The following CACHD1 variants were observed in gnomAD, a reference collection of about 807,000 sequenced individuals.
CACHD1 encodes the protein cache domain containing 1, also known as VWFA and cache domain-containing protein 1.
In CACHD1, 71 loss-of-function variants were observed where a neutral mutation model predicts 138.7. The ratio of observed to expected loss-of-function variants is 0.51; its 90% confidence interval spans 0.42 to 0.62. The LOEUF is 0.62. Ranked by LOEUF, CACHD1 falls within the 20% of genes least tolerant of loss-of-function variation. The pLI is 0.00. For synonymous variants in CACHD1, 578 were observed against 591.5 expected (o/e 0.98, Z 0.33); for missense variants, 1,389 against 1,625.3 (o/e 0.85, Z 2.50).
In CACHD1 at chr1:64,692,472, A is replaced by G. The variant is rs1650594155; in HGVS notation, c.*911A>G. On this transcript the variant is annotated 3_prime_UTR_variant, in exon 27 of 27. Coordinates refer to ENST00000651257, the MANE Select transcript of CACHD1 (RefSeq NM_020925.4). ...CGTACAATGCTATTCTTAGGTTTCTACGAAACCTAATGTTAGAACCGCATC... is the reference window on the plus strand; with the variant it reads ...CGTACAATGCTATTCTTAGGTTTCTGCGAAACCTAATGTTAGAACCGCATC... The G allele has an allele frequency of 6.6e-6, 1 of 152,196 alleles. No individual in the cohort carries two copies. The highest frequency in any genetic ancestry group is 2.1e-4 in the South Asian group (1 of 4,824). 9.4% of individuals were successfully genotyped at this position (152,196 alleles called of 1,614,324 possible). A position where few individuals can be genotyped will look rare whatever the true frequency, so the allele number is the denominator to read the frequency against.
chr1:64,505,994 C>G (rs797001355), intron 1 of CACHD1: 1 of 152,482 alleles, frequency 6.6e-6, no homozygotes, highest in Non-Finnish European at 1.5e-5. Flanking sequence ...GTCGCCACCT[C>G]CACATCCCTT....
chr1:64,502,432 T>A (rs945468153), intron 1 of CACHD1, among the ~76,000 whole-genome samples: 4 of 152,160 alleles, frequency 2.6e-5, no homozygotes, highest in Non-Finnish European at 5.9e-5. Context: ...GAGGGGCTCA[T>A]TATTACTGAA....
At chr1:64,500,734 AAGAGAGAGAG>A (rs5774705) in intron 1 of CACHD1, among the ~76,000 whole-genome samples, 33 of 26,454 alleles carry the variant, frequency 1.2e-3, no homozygotes, top group African/African-American at 2.5e-3. Flanking sequence ...AAAAAAAAAA[AAGAGAGAGAG>A]AGAGAGAGAG....
At chr1:64,507,081 TTGGAAGTTCA>T (rs1220080542) in intron 1 of CACHD1, among the ~76,000 whole-genome samples, 1 of 152,258 alleles carries the variant, frequency 6.6e-6, no homozygotes, top group Non-Finnish European at 1.5e-5. Flanking sequence ...GAAAAAGGCC[TTGGAAGTTCA>T]TGACTCGTAA....
intron 3 of CACHD1, 131 bp downstream of exon 3, chr1:64,582,435 G>T: frequency 1.3e-6 from 1 of 781,390 alleles, no homozygotes; most frequent in Admixed American, 2.8e-5. Context: ...TTTAAGATAA[G>T]CCCTTTATCT....
At chr1:64,653,473 A>T (rs946467109) in intron 10 of CACHD1, among the ~76,000 whole-genome samples, 1 of 151,564 alleles carries the variant, frequency 6.6e-6, no homozygotes, top group African/African-American at 2.4e-5. Flanking sequence ...TGGCATTAAG[A>T]TTTATGTGGT....
intron 26 of CACHD1, among the ~76,000 whole-genome samples, chr1:64,688,557 T>C (rs540352669): frequency 6.6e-5 from 10 of 152,246 alleles, no homozygotes; most frequent in African/African-American, 2.4e-4. Context: ...GTCCACACAC[T>C]GCGACTGCCC....
intron 4 of CACHD1, among the ~76,000 whole-genome samples, chr1:64,604,592 A>G (rs1570408973): frequency 6.6e-6 from 1 of 152,226 alleles, no homozygotes; most frequent in African/African-American, 2.4e-5. Context: ...TTCCAAAAAT[A>G]CATACTGTAA....
intron 26 of CACHD1, among the ~76,000 whole-genome samples, chr1:64,690,997 G>A (rs1241696469): frequency 2.6e-5 from 4 of 152,172 alleles, no homozygotes; most frequent in African/African-American, 9.6e-5. Context: ...TGGATGATGG[G>A]ATGTAGTGTG....
chr1:64,605,702 C>A (rs552350549), intron 4 of CACHD1, among the ~76,000 whole-genome samples: 165 of 152,286 alleles, frequency 1.1e-3, no homozygotes, highest in Non-Finnish European at 1.9e-3. Context: ...CCACCCACAT[C>A]AGTGGGTCGG....
At chr1:64,662,692 G>C (rs11208492) in intron 13 of CACHD1, among the ~76,000 whole-genome samples, 1 of 152,010 alleles carries the variant, frequency 6.6e-6, no homozygotes, top group Non-Finnish European at 1.5e-5. Flanking sequence ...TCTCAAAGAC[G>C]AAGATTTAGT....
intron 1 of CACHD1, among the ~76,000 whole-genome samples, chr1:64,504,205 T>G (rs1646355212): frequency 6.6e-6 from 1 of 152,126 alleles, no homozygotes; most frequent in Non-Finnish European, 1.5e-5. Flanking sequence ...ATTTTTGTAT[T>G]TTTTGCAGAC....
chr1:64,530,044 G>C (rs1025768473), intron 1 of CACHD1, among the ~76,000 whole-genome samples: 1 of 152,208 alleles, frequency 6.6e-6, no homozygotes, highest in African/African-American at 2.4e-5. Flanking sequence ...AGTGTTTACT[G>C]AAGTAGCACA....
intron 1 of CACHD1, among the ~76,000 whole-genome samples, chr1:64,481,094 C>G (rs934397828): frequency 1.3e-5 from 2 of 152,108 alleles, no homozygotes; most frequent in Non-Finnish European, 2.9e-5. Flanking sequence ...GTTCCAACAC[C>G]TAAACACCAG....
intron 1 of CACHD1, among the ~76,000 whole-genome samples, chr1:64,499,428 A>C (rs1646325036): frequency 6.6e-6 from 1 of 152,212 alleles, no homozygotes; most frequent in African/African-American, 2.4e-5. Flanking sequence ...TCTGCCACAC[A>C]CTTTGCAAAA....
At chr1:64,640,335 A>C (rs1011117074) in intron 7 of CACHD1, among the ~76,000 whole-genome samples, 2 of 152,214 alleles carry the variant, frequency 1.3e-5, no homozygotes, top group African/African-American at 4.8e-5. Flanking sequence ...ATAACATATT[A>C]TATAAATATT....
intron 2 of CACHD1, among the ~76,000 whole-genome samples, chr1:64,573,105 G>C (rs866520082): frequency 6.6e-6 from 1 of 152,166 alleles, no homozygotes; most frequent in African/African-American, 2.4e-5. Flanking sequence ...CTGAATGTTT[G>C]TGTCTTCCCC....
intron 26 of CACHD1, among the ~76,000 whole-genome samples, chr1:64,686,133 C>T (rs1174530850): frequency 6.6e-6 from 1 of 152,206 alleles, no homozygotes; most frequent in African/African-American, 2.4e-5. Context: ...AGGAACATGG[C>T]ATTGACTGGC....
chr1:64,581,218 T>C (rs1344203759), intron 2 of CACHD1, among the ~76,000 whole-genome samples: 1 of 152,196 alleles, frequency 6.6e-6, no homozygotes, highest in East Asian at 1.9e-4. Context: ...TGAAGATATT[T>C]TGATTTGACT....
Sources: gnomAD v4.1 joint callset for allele counts (sites outside exome capture counted in the v4.1 genomes callset) on GRCh38, gnomAD v4.1.1 for gene constraint, MANE v1.5 for transcripts, NCBI Gene and HGNC (gene_info 2026-07-23, HGNC 2026-07-21) for gene names.